STPG2: variants seen among roughly 807,000 people sequenced by gnomAD.
The protein encoded by STPG2 is sperm tail PG-rich repeat containing 2.
A neutral mutation model predicts 54.2 loss-of-function variants in STPG2; 56 were observed. The ratio of observed to expected loss-of-function variants is 1.03; its 90% confidence interval spans 0.83 to 1.29. The LOEUF (loss-of-function observed/expected upper bound fraction) is 1.29, where lower values mean the gene tolerates loss of function less well. Among genes scored for constraint, STPG2 ranks in the 50% most tolerant of loss-of-function variants. The pLI is 0.00. For missense variants in STPG2, 596 were observed against 544.9 expected (o/e 1.09, Z -0.93); for synonymous variants, 200 against 181.8 (o/e 1.10, Z -0.81).
intron 9 of STPG2, among the ~76,000 whole-genome samples, chr4:97,835,321 G>A (rs1276144297): frequency 1.3e-5 from 2 of 152,116 alleles, no homozygotes; most frequent in Non-Finnish European, 2.9e-5. Flanking sequence ...GGAATTCTCA[G>A]TTCTAAGAAA....
chr4:98,104,598 T>C (rs112927151), intron 5 of STPG2, among the ~76,000 whole-genome samples: 4 of 152,358 alleles, frequency 2.6e-5, no homozygotes, highest in African/African-American at 9.6e-5. Flanking sequence ...CATTTCTGCT[T>C]TAATTATAAA....
intron 8 of STPG2, among the ~76,000 whole-genome samples, chr4:97,844,431 T>A (rs975958015): frequency 6.6e-6 from 1 of 152,104 alleles, no homozygotes. Context: ...CATTTTTGAA[T>A]AATAGTTTTA....
chr4:97,860,466 A>ATTTTT (rs1729485108), intron 8 of STPG2, among the ~76,000 whole-genome samples: 1 of 116,802 alleles, frequency 8.6e-6, no homozygotes, highest in African/African-American at 3.0e-5. Flanking sequence ...TATATTCCTA[A>ATTTTT]GTTTTATTTT....
At chr4:97,544,317 T>C (rs906987367) in intron 4 of STPG2, among the ~76,000 whole-genome samples, 1 of 152,044 alleles carries the variant, frequency 6.6e-6, no homozygotes, top group South Asian at 2.1e-4. Context: ...ATTATATTTA[T>C]GTTGTATATG....
chr4:98,026,468 C>T (rs894936634), intron 5 of STPG2, among the ~76,000 whole-genome samples: 2 of 152,108 alleles, frequency 1.3e-5, no homozygotes, highest in Non-Finnish European at 2.9e-5. Context: ...GAGAGGGCAC[C>T]AGATGGACAT....
chr4:98,026,593 C>A (rs1259557874), intron 5 of STPG2, among the ~76,000 whole-genome samples: 2 of 152,150 alleles, frequency 1.3e-5, no homozygotes, highest in African/African-American at 4.8e-5. Context: ...CAGGAACCCT[C>A]AAGGACAGCT....
At chr4:97,566,966 G>A (rs1026128182) in intron 10 of STPG2, among the ~76,000 whole-genome samples, 1 of 151,244 alleles carries the variant, frequency 6.6e-6, no homozygotes, top group African/African-American at 2.4e-5. Flanking sequence ...ACACCAGCAT[G>A]GTACATGTAT....
chr4:97,679,568 T>G (rs974873615), intron 10 of STPG2, among the ~76,000 whole-genome samples: 3 of 151,390 alleles, frequency 2.0e-5, no homozygotes, highest in Non-Finnish European at 4.4e-5. Flanking sequence ...TTCTCCCATT[T>G]TGTAGGTTGC....
At chr4:97,938,254 C>A (rs1347857450) in intron 8 of STPG2, among the ~76,000 whole-genome samples, 1 of 152,218 alleles carries the variant, frequency 6.6e-6, no homozygotes, top group African/African-American at 2.4e-5. Flanking sequence ...AGGAAAAAAA[C>A]AGCTGCCTGG....
intron 5 of STPG2, among the ~76,000 whole-genome samples, chr4:98,057,793 G>T (rs1737524424): frequency 6.6e-6 from 1 of 152,076 alleles, no homozygotes; most frequent in Non-Finnish European, 1.5e-5. Context: ...GAATGTTAAA[G>T]GCAGCTAGAG....
intron 8 of STPG2, among the ~76,000 whole-genome samples, chr4:97,856,709 G>A (rs1729348954): frequency 6.6e-6 from 1 of 152,194 alleles, no homozygotes; most frequent in Non-Finnish European, 1.5e-5. Flanking sequence ...GAATAGAAGT[G>A]GTGAGAGAGG....
intron 9 of STPG2, among the ~76,000 whole-genome samples, chr4:97,741,109 G>T (rs1461259493): frequency 6.6e-6 from 1 of 152,118 alleles, no homozygotes; most frequent in South Asian, 2.1e-4. Flanking sequence ...ATATGCAATA[G>T]GGAAAGGATT....
chr4:97,956,386 GA>G (rs1733675857), intron 7 of STPG2, among the ~76,000 whole-genome samples: 1 of 152,032 alleles, frequency 6.6e-6, no homozygotes, highest in Non-Finnish European at 1.5e-5. Flanking sequence ...AAAGAGATAA[GA>G]AAAAGTGGAT....
At chr4:97,507,953 C>T (rs1046811180) in intron 4 of STPG2, among the ~76,000 whole-genome samples, 1 of 151,970 alleles carries the variant, frequency 6.6e-6, no homozygotes, top group Non-Finnish European at 1.5e-5. Context: ...TGATTAAGCT[C>T]AATCTTTAGC....
intron 8 of STPG2, among the ~76,000 whole-genome samples, chr4:97,884,191 T>A (rs145187003): frequency 1.9e-3 from 295 of 152,200 alleles, no homozygotes; most frequent in African/African-American, 7.0e-3. Flanking sequence ...GAGTACACAA[T>A]AAGTTATAAG....
intron 8 of STPG2, among the ~76,000 whole-genome samples, chr4:97,913,184 G>T (rs1731746904): frequency 6.6e-6 from 1 of 152,148 alleles, no homozygotes; most frequent in Non-Finnish European, 1.5e-5. Flanking sequence ...GAATAAATAA[G>T]CTGTCCTGGG....
chr4:97,738,082 CAACCCAGA>C (rs1725079607), intron 9 of STPG2, among the ~76,000 whole-genome samples: 2 of 152,190 alleles, frequency 1.3e-5, no homozygotes, highest in African/African-American at 4.8e-5. Flanking sequence ...AAAGAATGTT[CAACCCAGA>C]ATTTCATATC....
intron 7 of STPG2, among the ~76,000 whole-genome samples, chr4:97,970,195 G>C (rs1295986992): frequency 6.6e-6 from 1 of 152,098 alleles, no homozygotes; most frequent in Non-Finnish European, 1.5e-5. Context: ...CATGCTCATG[G>C]GTAGGAAGAA....
intron 5 of STPG2, among the ~76,000 whole-genome samples, chr4:98,031,590 C>T (rs1475133050): frequency 6.6e-6 from 1 of 152,080 alleles, no homozygotes; most frequent in Non-Finnish European, 1.5e-5. Flanking sequence ...GAGGCTGAGG[C>T]AGCAGAATCG....
Sources: gnomAD v4.1 joint callset for allele counts (sites outside exome capture counted in the v4.1 genomes callset) on GRCh38, gnomAD v4.1.1 for gene constraint, MANE v1.5 for transcripts, NCBI Gene and HGNC (gene_info 2026-07-23, HGNC 2026-07-21) for gene names.